Variants in RERG observed in about 807,000 individuals in gnomAD.
RERG encodes the protein RAS like estrogen regulated growth inhibitor, also known as ras-related and estrogen-regulated growth inhibitor.
In RERG, 25 loss-of-function variants were observed where a neutral mutation model predicts 23.2. The observed-to-expected ratio is 1.08, with a 90% confidence interval of 0.79 to 1.50. The LOEUF (loss-of-function observed/expected upper bound fraction) is 1.50. RERG is among the 40% of genes most tolerant of loss of function. The pLI, the probability that RERG is intolerant of heterozygous loss-of-function variation, is 0.00. For synonymous variants in RERG, 81 were observed against 89.1 expected (o/e 0.91, Z 0.51); for missense variants, 253 against 250.1 (o/e 1.01, Z -0.08).
chr12:15,113,471 AAAAAT>A (rs1863661586), intron 3 of RERG, among the ~76,000 whole-genome samples: 3 of 152,118 alleles, frequency 2.0e-5, no homozygotes, highest in Admixed American at 6.5e-5. Context: ...CTGCTGAAAT[AAAAAT>A]AAAATAATAC....
intron 3 of RERG, among the ~76,000 whole-genome samples, chr12:15,118,142 C>T (rs1279163354): frequency 6.6e-6 from 1 of 152,100 alleles, no homozygotes; most frequent in Non-Finnish European, 1.5e-5. Context: ...TCCCCCTCCC[C>T]CATTTCCTTC....
intron 2 of RERG, among the ~76,000 whole-genome samples, chr12:15,140,068 C>A (rs936645294): frequency 2.0e-5 from 3 of 152,242 alleles, no homozygotes; most frequent in Non-Finnish European, 4.4e-5. Flanking sequence ...CTTCTGTCTG[C>A]TTTCTTTTTT....
At chr12:15,189,779 C>T (rs935071270) in intron 2 of RERG, among the ~76,000 whole-genome samples, 1 of 152,096 alleles carries the variant, frequency 6.6e-6, no homozygotes, top group African/African-American at 2.4e-5. Context: ...CTTAACCAAA[C>T]ATGAGGACTA....
At chr12:15,172,078 T>A (rs1864785141) in intron 2 of RERG, among the ~76,000 whole-genome samples, 1 of 152,122 alleles carries the variant, frequency 6.6e-6, no homozygotes, top group Non-Finnish European at 1.5e-5. Context: ...CACAGTCTAA[T>A]TTTAGAATAT....
intron 2 of RERG, among the ~76,000 whole-genome samples, chr12:15,206,508 G>C (rs961181320): frequency 6.6e-6 from 1 of 152,126 alleles, no homozygotes; most frequent in Non-Finnish European, 1.5e-5. Flanking sequence ...GTGATTCCCG[G>C]AATGTGGGTC....
rs1156302513 is a variant in RERG at position 15,148,887 on chromosome 12, T to TTTTTTTTTTTTG, written c.62-27769_62-27768insCAAAAAAAAAAA. Among the ~76,000 whole-genome samples, 19 of 69,500 alleles carry TTTTTTTTTTTTG rather than the reference T, an allele frequency of 2.7e-4. 7 individuals carry two copies. Among genetic ancestry groups the TTTTTTTTTTTTG allele is most frequent in the African/African-American group, 3.2e-4 (7 of 21,584 alleles). The allele number at this position is 69,500 out of a possible 152,430, so 45.6% of individuals were successfully genotyped here. On this transcript the variant is annotated intron_variant, in intron 2 of 4. Coordinates refer to ENST00000256953, the MANE Select transcript of RERG (RefSeq NM_032918.3). ...TTTTTTTTTTTTTTTTTTTTTTTTT[T>TTTTTTTTTTTTG]AGACAGAGTCTAGCTCTGTCACCCA... is the stretch of plus-strand genomic sequence containing the variant.
intron 2 of RERG, among the ~76,000 whole-genome samples, chr12:15,164,660 G>A (rs1016760069): frequency 1.3e-5 from 2 of 152,062 alleles, no homozygotes; most frequent in Non-Finnish European, 2.9e-5. Context: ...TTGTCTTAGG[G>A]GGCCAACAGA....
chr12:15,188,486 C>T (rs1325715472), intron 2 of RERG, among the ~76,000 whole-genome samples: 1 of 152,134 alleles, frequency 6.6e-6, no homozygotes, highest in Non-Finnish European at 1.5e-5. Context: ...GCATCAAGTA[C>T]ATCAACAAAA....
At chr12:15,142,857 G>A (rs1448226441) in intron 2 of RERG, among the ~76,000 whole-genome samples, 2 of 152,106 alleles carry the variant, frequency 1.3e-5, no homozygotes, top group African/African-American at 4.8e-5. Flanking sequence ...TGAAATAACT[G>A]GCACAAGTCT....
At chr12:15,122,107 T>TC (rs1235481421) in intron 2 of RERG, among the ~76,000 whole-genome samples, 102 of 151,958 alleles carry the variant, frequency 6.7e-4, no homozygotes, top group South Asian at 1.9e-3. Flanking sequence ...CCTGAAAAAA[T>TC]ATACATACAC....
At chr12:15,197,927 G>A (rs1042596892) in intron 2 of RERG, among the ~76,000 whole-genome samples, 1 of 152,126 alleles carries the variant, frequency 6.6e-6, no homozygotes, top group African/African-American at 2.4e-5. Flanking sequence ...TGCCCAAGGA[G>A]ACTGGCTCTT....
chr12:15,161,138 AAAAGAAAGAAAG>A (rs57319626), intron 2 of RERG, among the ~76,000 whole-genome samples: 808 of 41,616 alleles, frequency 0.019, 17 homozygotes, highest in Middle Eastern at 0.06. Context: ...CCATCTCAGA[AAAAGAAAGAAAG>A]AAAGAAAGAA....
At chr12:15,161,139 AAAGAAAGAAAGAAAG>A (rs930971173) in intron 2 of RERG, among the ~76,000 whole-genome samples, 7 of 32,976 alleles carry the variant, frequency 2.1e-4, no homozygotes, top group African/African-American at 9.8e-4. Context: ...CATCTCAGAA[AAAGAAAGAAAGAAAG>A]AAAGAAAGAA....
chr12:15,219,542 A>G (rs1865487112), intron 1 of RERG, among the ~76,000 whole-genome samples: 1 of 152,236 alleles, frequency 6.6e-6, no homozygotes, highest in Non-Finnish European at 1.5e-5. Context: ...GGCTAAAGAT[A>G]AAAAGATTTC....
intron 2 of RERG, among the ~76,000 whole-genome samples, chr12:15,144,289 G>A (rs1243456157): frequency 1.3e-5 from 2 of 152,174 alleles, no homozygotes; most frequent in East Asian, 3.8e-4. Context: ...GAGTGCAAGA[G>A]TCTGGTGTTG....
At chr12:15,133,401 C>CT in intron 2 of RERG, among the ~76,000 whole-genome samples, 1 of 151,970 alleles carries the variant, frequency 6.6e-6, no homozygotes, top group South Asian at 2.1e-4. Flanking sequence ...GTTTCCTGCA[C>CT]GTTTTTTCAT....
intron 2 of RERG, among the ~76,000 whole-genome samples, chr12:15,122,549 G>C (rs1226626760): frequency 6.6e-6 from 1 of 152,250 alleles, no homozygotes; most frequent in Admixed American, 6.5e-5. Context: ...TATTTGCAGT[G>C]CCTAAAGTAG....
At chr12:15,138,607 T>C (rs938291094) in intron 2 of RERG, among the ~76,000 whole-genome samples, 1 of 152,066 alleles carries the variant, frequency 6.6e-6, no homozygotes, top group Admixed American at 6.6e-5. Context: ...TTGTCTACTT[T>C]TTTCCAGTAG....
chr12:15,163,161 C>T (rs1315432757), intron 2 of RERG, among the ~76,000 whole-genome samples: 4 of 152,094 alleles, frequency 2.6e-5, no homozygotes, highest in Non-Finnish European at 4.4e-5. Flanking sequence ...AGAAGCACTA[C>T]ACAAAAGCCA....
Sources: gnomAD v4.1 joint callset for allele counts (sites outside exome capture counted in the v4.1 genomes callset) on GRCh38, gnomAD v4.1.1 for gene constraint, MANE v1.5 for transcripts, NCBI Gene and HGNC (gene_info 2026-07-23, HGNC 2026-07-21) for gene names.